The following ACBD6 variants were observed in gnomAD, a reference collection of about 807,000 sequenced individuals.
ACBD6 encodes the protein acyl-CoA binding domain containing 6.
A neutral mutation model predicts 37.2 loss-of-function variants in ACBD6; 28 were observed. That is an observed-to-expected ratio of 0.75 (90% CI 0.56 to 1.03). The LOEUF (loss-of-function observed/expected upper bound fraction) is 1.03, where lower values mean the gene tolerates loss of function less well. Among genes scored for constraint, ACBD6 ranks in the 50% least tolerant of loss-of-function variants. ACBD6 has a pLI of 0.00. For missense variants in ACBD6, 340 were observed against 337.4 expected (o/e 1.01, Z -0.06); for synonymous variants, 113 against 126.8 (o/e 0.89, Z 0.73).
chr1:180,338,376 C>T lies in ACBD6; in HGVS notation c.664-23654G>A, dbSNP rs906577246. On this transcript the variant is annotated intron_variant, in intron 6 of 7. Transcript: ENST00000367595. ...CAGAGCCCTCAGAAATAATGCCACA[C>T]ATCTACAACTATCTGATCTTTGACA... 1.4e-4 allele frequency among the ~76,000 whole-genome samples: 21 copies of T among 152,210 alleles called. 1 individual carries two copies. Among genetic ancestry groups the T allele is most frequent in the Admixed American group, 8.5e-4 (13 of 15,292 alleles).
chr1:180,297,442 A>C (rs1286472649), intron 7 of ACBD6, among the ~76,000 whole-genome samples: 1 of 152,182 alleles, frequency 6.6e-6, no homozygotes, highest in African/African-American at 2.4e-5. Context: ...GCCTTCAGCG[A>C]TGTGGGGTTT....
chr1:180,339,907 A>T (rs188745245), intron 6 of ACBD6, among the ~76,000 whole-genome samples: 124 of 152,194 alleles, frequency 8.1e-4, no homozygotes, highest in African/African-American at 2.9e-3. Context: ...GTATCAACTT[A>T]AAATAAGGAA....
intron 7 of ACBD6, among the ~76,000 whole-genome samples, chr1:180,302,432 C>T (rs945439388): frequency 1.3e-5 from 2 of 151,626 alleles, no homozygotes; most frequent in Non-Finnish European, 2.9e-5. Context: ...TAGGATAGTT[C>T]GCTCTTCCTG....
At position 180,312,003 on chromosome 1, in the gene ACBD6, G is replaced by C. The variant is rs993667650; in HGVS notation, c.694+2689C>G. Among the ~76,000 whole-genome samples, 8 of 152,286 alleles carry C rather than the reference G, an allele frequency of 5.3e-5. No individual in the cohort carries two copies. The East Asian group carries it at 1.5e-3, about 29-fold the overall frequency. On this transcript the variant is annotated intron_variant, in intron 7 of 7. Transcript: ENST00000367595. ...TATTATAGCTGTAAGATAACATCTT[G>C]ATATTTGGAAGAACAAGTCCTTCTT...
intron 6 of ACBD6, among the ~76,000 whole-genome samples, chr1:180,316,254 C>T (rs1650795103): frequency 6.6e-6 from 1 of 151,852 alleles, no homozygotes; most frequent in Admixed American, 6.6e-5. Flanking sequence ...ACAGTACTGA[C>T]CATTATGGCT....
At chr1:180,273,039 G>A (rs1648785988) in intron 12 of ACBD6, 1 of 151,122 alleles carries the variant, frequency 6.6e-6, no homozygotes, top group Non-Finnish European at 1.5e-5. Flanking sequence ...TCCCTTTAAA[G>A]AGCATGAGCT....
At chr1:180,270,930 G>A (rs1241211315) in exon 14 of ACBD6, 1 of 259,190 alleles carries the variant, frequency 3.9e-6, no homozygotes, top group Admixed American at 4.9e-5. Flanking sequence ...CATGGCTGTG[G>A]GGAAATGGGA....
chr1:180,450,601 T>C (rs1308441953), intron 3 of ACBD6, among the ~76,000 whole-genome samples: 2 of 151,730 alleles, frequency 1.3e-5, no homozygotes, highest in Admixed American at 6.6e-5. Context: ...TACTAAAAAA[T>C]ACAAAAAAAT....
At chr1:180,303,539 T>G (rs1650223905) in intron 7 of ACBD6, among the ~76,000 whole-genome samples, 1 of 150,622 alleles carries the variant, frequency 6.6e-6, no homozygotes, top group East Asian at 1.9e-4. Flanking sequence ...ACATACACCC[T>G]CCCAAGACTA....
chr1:180,351,582 G>A (rs796898102), intron 6 of ACBD6, among the ~76,000 whole-genome samples: 3 of 97,002 alleles, frequency 3.1e-5, no homozygotes, highest in African/African-American at 1.1e-4. Context: ...CCGATATTAC[G>A]TTTTTTTTTT....
chr1:180,319,101 C>G (rs927716272), intron 6 of ACBD6, among the ~76,000 whole-genome samples: 9 of 152,176 alleles, frequency 5.9e-5, no homozygotes, highest in Non-Finnish European at 4.4e-5. Flanking sequence ...AGTTCACCTT[C>G]TTAAGGAAAC....
At chr1:180,314,003 T>C (rs115112166) in intron 7 of ACBD6, among the ~76,000 whole-genome samples, 431 of 152,346 alleles carry the variant, frequency 2.8e-3, no homozygotes, top group African/African-American at 1.0e-2. Context: ...TAGGAGAAAT[T>C]AGTTAAAAAA....
At chr1:180,472,787 T>C (rs1650619888) in intron 3 of ACBD6, among the ~76,000 whole-genome samples, 1 of 152,208 alleles carries the variant, frequency 6.6e-6, no homozygotes, top group Non-Finnish European at 1.5e-5. Context: ...ATTATTATTA[T>C]TGTAAGACTT....
intron 3 of ACBD6, among the ~76,000 whole-genome samples, chr1:180,474,892 C>G (rs915922710): frequency 6.6e-6 from 1 of 152,238 alleles, no homozygotes; most frequent in Admixed American, 6.5e-5. Flanking sequence ...CTATAATTTA[C>G]TGTCCAACTG....
chr1:180,342,275 A>C (rs2149306794), intron 6 of ACBD6, among the ~76,000 whole-genome samples: 1 of 152,314 alleles, frequency 6.6e-6, no homozygotes, highest in South Asian at 2.1e-4. Flanking sequence ...AGAGTAGTAG[A>C]GAAAAGGATC....
At chr1:180,463,286 G>A (rs996772171) in intron 3 of ACBD6, among the ~76,000 whole-genome samples, 3 of 151,878 alleles carry the variant, frequency 2.0e-5, no homozygotes, top group Non-Finnish European at 4.4e-5. Flanking sequence ...CCAGAAGCTG[G>A]TTTTTTGAAA....
In ACBD6 at chr1:180,473,175, C is replaced by T. The variant is rs554426190; in HGVS notation, c.384+19094G>A. Among the ~76,000 whole-genome samples the T allele has an allele frequency of 2.0e-5, 3 of 152,272 alleles. No homozygotes were observed. In the East Asian group the frequency reaches 5.8e-4, roughly 29 times the overall value. ...GTAAAACTTTTACACGGGCCGGGCA[C>T]GGTGGCTCACGCCTGTAATCCCAGC... On this transcript the variant is annotated intron_variant, in intron 3 of 7. Coordinates refer to ENST00000367595, the MANE Select transcript of ACBD6 (RefSeq NM_032360.4).
At chr1:180,399,735 ACT>A (rs1647267833) in intron 5 of ACBD6, among the ~76,000 whole-genome samples, 1 of 152,152 alleles carries the variant, frequency 6.6e-6, no homozygotes. Flanking sequence ...TTTTAATGAG[ACT>A]CTGAATAAAT....
chr1:180,411,652 G>A (rs1381551613), intron 5 of ACBD6, among the ~76,000 whole-genome samples: 1 of 152,130 alleles, frequency 6.6e-6, no homozygotes, highest in African/African-American at 2.4e-5. Context: ...ACAGTACAGT[G>A]TAAACACAAC....
Sources: gnomAD v4.1 joint callset for allele counts (sites outside exome capture counted in the v4.1 genomes callset) on GRCh38, gnomAD v4.1.1 for gene constraint, MANE v1.5 for transcripts, NCBI Gene and HGNC (gene_info 2026-07-23, HGNC 2026-07-21) for gene names.